NRXN1: variants seen among roughly 807,000 people sequenced by gnomAD.
The protein encoded by NRXN1 is neurexin-1.
In NRXN1, 39 loss-of-function variants were observed where a neutral mutation model predicts 150.9. The observed-to-expected ratio is 0.26, with a 90% CI of 0.20 to 0.34. The LOEUF (loss-of-function observed/expected upper bound fraction) is 0.34. NRXN1 is among the 10% of genes least tolerant of loss of function. The pLI is 1.00. For synonymous variants in NRXN1, 924 were observed against 757.0 expected (o/e 1.22, Z -3.62); for missense variants, 1,815 against 1,949.9 (o/e 0.93, Z 1.30).
chr2:50,014,655 T>C (rs572898514), intron 21 of NRXN1, among the ~76,000 whole-genome samples: 5 of 152,296 alleles, frequency 3.3e-5, no homozygotes, highest in African/African-American at 1.2e-4. Context: ...TCTTTTTTTA[T>C]TGCCTCTTTT....
chr2:50,104,540 G>A (rs1464467890), intron 18 of NRXN1, among the ~76,000 whole-genome samples: 1 of 151,962 alleles, frequency 6.6e-6, no homozygotes, highest in Non-Finnish European at 1.5e-5. Flanking sequence ...GCAGGATTTG[G>A]CAGCAGATGC....
At chr2:50,492,535 T>G (rs1573230257) in intron 15 of NRXN1, among the ~76,000 whole-genome samples, 1 of 152,326 alleles carries the variant, frequency 6.6e-6, no homozygotes, top group Non-Finnish European at 1.5e-5. Flanking sequence ...TGCATCACTA[T>G]AAAAGCCAAC....
At chr2:50,078,668 C>T (rs971841480) in intron 19 of NRXN1, among the ~76,000 whole-genome samples, 1 of 151,960 alleles carries the variant, frequency 6.6e-6, no homozygotes, top group Non-Finnish European at 1.5e-5. Context: ...AGAATACTGG[C>T]CATTTTGTAA....
chr2:50,759,255 C>T (rs1431032476), intron 5 of NRXN1, among the ~76,000 whole-genome samples: 4 of 151,834 alleles, frequency 2.6e-5, no homozygotes, highest in African/African-American at 9.7e-5. Flanking sequence ...AAGATTAGAA[C>T]TCATAAACCC....
At chr2:50,084,534 A>T (rs1028691893) in intron 19 of NRXN1, among the ~76,000 whole-genome samples, 1 of 152,080 alleles carries the variant, frequency 6.6e-6, no homozygotes, top group Non-Finnish European at 1.5e-5. Context: ...GCTCACCAGG[A>T]ACTCTAGGTG....
At chr2:50,825,784 G>A (rs571334260) in intron 5 of NRXN1, among the ~76,000 whole-genome samples, 5 of 152,272 alleles carry the variant, frequency 3.3e-5, no homozygotes, top group South Asian at 2.1e-4. Flanking sequence ...GAAGTCGGTC[G>A]GGAGGCACTC....
intron 19 of NRXN1, among the ~76,000 whole-genome samples, chr2:50,071,319 A>G (rs940035271): frequency 3.3e-5 from 5 of 152,328 alleles, no homozygotes; most frequent in South Asian, 4.1e-4. Context: ...TATGAGCTCA[A>G]TTGTTTATCC....
At chr2:50,167,354 G>C (rs1037407268) in intron 18 of NRXN1, among the ~76,000 whole-genome samples, 1 of 151,892 alleles carries the variant, frequency 6.6e-6, no homozygotes, top group African/African-American at 2.4e-5. Context: ...AAATCCTCTC[G>C]CTCAACATGA....
At chr2:50,712,841 C>A (rs762592336) in intron 5 of NRXN1, among the ~76,000 whole-genome samples, 1 of 152,148 alleles carries the variant, frequency 6.6e-6, no homozygotes, top group Non-Finnish European at 1.5e-5. Context: ...GAGGATCTGG[C>A]TGAAATGCCT....
At chr2:50,096,651 A>C (rs1439469752) in intron 18 of NRXN1, among the ~76,000 whole-genome samples, 1 of 152,248 alleles carries the variant, frequency 6.6e-6, no homozygotes, top group Non-Finnish European at 1.5e-5. Flanking sequence ...TCTTATAAGA[A>C]TATCAGTAAC....
chr2:51,008,844 G>C (rs532047818), intron 2 of NRXN1, among the ~76,000 whole-genome samples: 2 of 151,370 alleles, frequency 1.3e-5, no homozygotes, highest in Admixed American at 1.3e-4. Flanking sequence ...TTTTAATTTC[G>C]TGATAATATT....
chr2:50,260,491 T>G (rs1472774580), intron 17 of NRXN1, among the ~76,000 whole-genome samples: 1 of 151,742 alleles, frequency 6.6e-6, no homozygotes, highest in African/African-American at 2.4e-5. Flanking sequence ...ACCCTGTTGT[T>G]CTATTGGAAT....
At chr2:50,519,976 T>C (rs796328550) in intron 12 of NRXN1, among the ~76,000 whole-genome samples, 3 of 152,092 alleles carry the variant, frequency 2.0e-5, no homozygotes, top group Non-Finnish European at 4.4e-5. Flanking sequence ...AGACAGGACA[T>C]AATGTTTACA....
chr2:50,958,219 AGAG>A (rs1427044093), intron 2 of NRXN1, among the ~76,000 whole-genome samples: 1 of 152,172 alleles, frequency 6.6e-6, no homozygotes, highest in Non-Finnish European at 1.5e-5. Context: ...TATGTTCAAC[AGAG>A]AAGACAGCTG....
rs80323177 is a variant in NRXN1 at position 49,919,668 on chromosome 2, G to A, written c.*2276C>T. The A allele has an allele frequency of 1.4e-3, 206 of 151,814 alleles. No homozygotes were observed. Among genetic ancestry groups the A allele is most frequent in the African/African-American group, 4.7e-3 (196 of 41,430 alleles). 9.4% of individuals were successfully genotyped at this position (151,814 alleles called of 1,614,324 possible). On this transcript the variant is annotated 3_prime_UTR_variant, in exon 23 of 23. Coordinates refer to ENST00000401669, the MANE Select transcript of NRXN1 (RefSeq NM_001330078.2). ...TGAGACGGGGGAAAAGAAAAGACTCGTGAATTATTTAATGTGGCAAATTAA... is the reference window on the plus strand; with the variant it reads ...TGAGACGGGGGAAAAGAAAAGACTCATGAATTATTTAATGTGGCAAATTAA...
intron 5 of NRXN1, among the ~76,000 whole-genome samples, chr2:50,639,202 T>TCTTC (rs1553916394): frequency 7.8e-6 from 1 of 127,888 alleles, no homozygotes; most frequent in Non-Finnish European, 1.7e-5. Flanking sequence ...TTTATCATTT[T>TCTTC]TTTCTTTCTT....
intron 5 of NRXN1, among the ~76,000 whole-genome samples, chr2:50,894,156 G>C (rs1054058121): frequency 2.0e-5 from 3 of 151,710 alleles, no homozygotes; most frequent in African/African-American, 7.3e-5. Flanking sequence ...GAGTTAGTGG[G>C]TGCAGCGCAC....
At chr2:50,056,792 T>C (rs1693711713) in intron 19 of NRXN1, among the ~76,000 whole-genome samples, 1 of 152,158 alleles carries the variant, frequency 6.6e-6, no homozygotes, top group Non-Finnish European at 1.5e-5. Context: ...CATGTGTAAT[T>C]TGAAAAGCAA....
intron 17 of NRXN1, among the ~76,000 whole-genome samples, chr2:50,240,117 G>T (rs2065878499): frequency 6.6e-6 from 1 of 151,506 alleles, no homozygotes; most frequent in Non-Finnish European, 1.5e-5. Context: ...CTTTTTCAAT[G>T]AATCTAAAAC....
Sources: gnomAD v4.1 joint callset for allele counts (sites outside exome capture counted in the v4.1 genomes callset) on GRCh38, gnomAD v4.1.1 for gene constraint, MANE v1.5 for transcripts, NCBI Gene and HGNC (gene_info 2026-07-23, HGNC 2026-07-21) for gene names.